Variants in PALM2AKAP2 observed in about 807,000 individuals in gnomAD.
PALM2AKAP2 encodes PALM2 and AKAP2 fusion.
In PALM2AKAP2, 37 loss-of-function variants were observed where a neutral mutation model predicts 71.5. That is an observed-to-expected ratio of 0.52 (90% CI 0.40 to 0.68). PALM2AKAP2 has a LOEUF of 0.68. Among genes scored for constraint, PALM2AKAP2 ranks in the 30% least tolerant of loss-of-function variants. PALM2AKAP2 has a pLI of 0.00. For synonymous variants in PALM2AKAP2, 468 were observed against 478.8 expected (o/e 0.98, Z 0.29); for missense variants, 1,224 against 1,191.8 (o/e 1.03, Z -0.40).
chr9:109,860,890 A>G (rs10759380), intron 1 of PALM2AKAP2, among the ~76,000 whole-genome samples: 26,149 of 152,104 alleles, frequency 0.17, 2,379 homozygotes, highest in South Asian at 0.23. Flanking sequence ...TGGGGCAAGG[A>G]AACAAGATTC....
chr9:110,152,362 A>T (rs942092315), intron 2 of PALM2AKAP2, among the ~76,000 whole-genome samples: 2 of 152,216 alleles, frequency 1.3e-5, no homozygotes, highest in African/African-American at 2.4e-5. Flanking sequence ...ACAGGTGAAT[A>T]AACCAATAGC....
intron 1 of PALM2AKAP2, among the ~76,000 whole-genome samples, chr9:110,058,608 A>G (rs978235571): frequency 3.3e-5 from 5 of 151,948 alleles, no homozygotes; most frequent in Non-Finnish European, 5.9e-5. Context: ...TGTTTCTACC[A>G]TCTTTTCCTC....
intron 1 of PALM2AKAP2, among the ~76,000 whole-genome samples, chr9:109,785,344 G>A (rs1176758195): frequency 2.0e-5 from 3 of 152,166 alleles, no homozygotes; most frequent in Admixed American, 6.5e-5. Flanking sequence ...TCTTCCTGAG[G>A]TGTGTAGAGC....
chr9:110,161,896 G>T (rs1023180), intron 3 of PALM2AKAP2, among the ~76,000 whole-genome samples, 198 bp from the exon 10 acceptor site: 14,189 of 151,608 alleles, frequency 0.094, 778 homozygotes, highest in East Asian at 0.13. Flanking sequence ...GAACAATAGG[G>T]TATCTAGTTG....
intron 6 of PALM2AKAP2, among the ~76,000 whole-genome samples, chr9:109,973,835 C>T (rs531264100): frequency 3.4e-4 from 52 of 152,280 alleles, no homozygotes; most frequent in African/African-American, 1.2e-3. Context: ...CTGCCTGAAT[C>T]GAAGCCAGTA....
intron 1 of PALM2AKAP2, among the ~76,000 whole-genome samples, chr9:109,753,667 G>A (rs569954647): frequency 3.2e-4 from 48 of 152,244 alleles, no homozygotes; most frequent in African/African-American, 1.1e-3. Context: ...ATATCATGGG[G>A]AATTTGATCT....
intron 1 of PALM2AKAP2, among the ~76,000 whole-genome samples, chr9:109,692,954 C>T (rs1406060658): frequency 6.6e-6 from 1 of 151,054 alleles, no homozygotes; most frequent in Non-Finnish European, 1.5e-5. Context: ...CTTTCTTTTT[C>T]TTCTTTCTTT....
intron 6 of PALM2AKAP2, among the ~76,000 whole-genome samples, chr9:109,956,825 T>G (rs768514995): frequency 2.0e-5 from 3 of 152,224 alleles, no homozygotes; most frequent in Admixed American, 6.5e-5. Context: ...TTTCTTGCTA[T>G]GTGAGTCAGT....
At chr9:109,932,190 G>A (rs374141755) in intron 6 of PALM2AKAP2, among the ~76,000 whole-genome samples, 162 bp downstream of exon 6, 1 of 152,226 alleles carries the variant, frequency 6.6e-6, no homozygotes, top group Non-Finnish European at 1.5e-5. Context: ...GGCAGGCACC[G>A]GCCCCAGATG....
At chr9:109,692,528 G>A (rs145339338) in intron 1 of PALM2AKAP2, among the ~76,000 whole-genome samples, 1 of 152,108 alleles carries the variant, frequency 6.6e-6, no homozygotes, top group Non-Finnish European at 1.5e-5. Flanking sequence ...GATCTTAGGA[G>A]AAAGCATTTA....
intron 1 of PALM2AKAP2, among the ~76,000 whole-genome samples, chr9:109,801,708 A>ATGTG (rs142422555): frequency 9.1e-4 from 136 of 149,302 alleles, no homozygotes; most frequent in African/African-American, 2.8e-3. Flanking sequence ...AGGTGTTGAT[A>ATGTG]TGTGTGTGTG....
intron 1 of PALM2AKAP2, among the ~76,000 whole-genome samples, chr9:109,672,272 G>A (rs1827584690): frequency 6.6e-6 from 1 of 152,064 alleles, no homozygotes; most frequent in Non-Finnish European, 1.5e-5. Context: ...TTTGAGTTGT[G>A]TTCCTTCAAT....
intron 6 of PALM2AKAP2, among the ~76,000 whole-genome samples, chr9:110,005,487 G>T (rs1218929789): frequency 6.6e-6 from 1 of 152,240 alleles, no homozygotes; most frequent in Admixed American, 6.5e-5. Context: ...ACCCACTTGA[G>T]GAGGCAGTCT....
chr9:110,148,539 G>C (rs936154256), intron 2 of PALM2AKAP2: 5 of 152,222 alleles, frequency 3.3e-5, no homozygotes, highest in Non-Finnish European at 7.3e-5. Context: ...GGGCTGACAA[G>C]CAGGATGTTC....
chr9:110,072,299 G>A (rs1428596778), intron 1 of PALM2AKAP2, among the ~76,000 whole-genome samples: 2 of 152,178 alleles, frequency 1.3e-5, no homozygotes, highest in African/African-American at 4.8e-5. Flanking sequence ...TGTTGCTTGG[G>A]ATGGCGGGCT....
At chr9:109,745,946 T>G (rs995159851) in intron 1 of PALM2AKAP2, among the ~76,000 whole-genome samples, 4 of 152,140 alleles carry the variant, frequency 2.6e-5, no homozygotes, top group African/African-American at 9.7e-5. Flanking sequence ...ATAATATGTA[T>G]TTTTACTAGC....
chr9:109,726,708 G>T (rs978271216), intron 1 of PALM2AKAP2, among the ~76,000 whole-genome samples: 1 of 152,182 alleles, frequency 6.6e-6, no homozygotes, highest in Non-Finnish European at 1.5e-5. Flanking sequence ...AAAAACAAGT[G>T]TATAGGTTAA....
At chr9:109,778,677 C>T (rs918457978), upstream of PALM2AKAP2, among the ~76,000 whole-genome samples, 4 of 151,776 alleles carry the variant, frequency 2.6e-5, no homozygotes, top group Non-Finnish European at 5.9e-5. Flanking sequence ...TCATCAGTGA[C>T]AGGTGAACCT....
rs751772083 is a variant in PALM2AKAP2, at chr9:110,068,552, CAGGGT to C, written c.156+19698_156+19702del. On this transcript the variant is annotated intron_variant, in intron 1 of 3. Coordinates refer to ENST00000374525, the Ensembl canonical transcript of PALM2AKAP2. ...AAAAAAATTTAATTTTTTTTTGAGA[CAGGGT>C]CTCCTTCTGTTGCCCAGGCTGGAGT... 6.4e-3 allele frequency among the ~76,000 whole-genome samples: 915 copies of C among 142,068 alleles called. 17 individuals carry two copies. The highest frequency in any genetic ancestry group is 0.011 in the Middle Eastern group (3 of 270). The allele number at this position is 142,068 out of a possible 152,430, so 93.2% of individuals were successfully genotyped here. A position where few individuals can be genotyped will look rare whatever the true frequency, so the allele number is the denominator to read the frequency against.
Sources: gnomAD v4.1 joint callset for allele counts (sites outside exome capture counted in the v4.1 genomes callset) on GRCh38, gnomAD v4.1.1 for gene constraint, MANE v1.5 for transcripts, NCBI Gene and HGNC (gene_info 2026-07-23, HGNC 2026-07-21) for gene names.